NAALADL2: variants seen among roughly 807,000 people sequenced by gnomAD.
The protein encoded by NAALADL2 is inactive N-acetylated-alpha-linked acidic dipeptidase-like protein 2.
Under a neutral mutation model 87.2 loss-of-function variants are expected in NAALADL2, and 76 were observed. That is an observed-to-expected ratio of 0.87 (90% CI 0.72 to 1.05). NAALADL2 has a LOEUF of 1.05. Among genes scored for constraint, NAALADL2 ranks in the 50% least tolerant of loss-of-function variants. NAALADL2 has a pLI of 0.00. For missense variants in NAALADL2, 1,089 were observed against 945.8 expected, an observed-to-expected ratio of 1.15 and a Z score of -1.99; for synonymous variants, 354 against 331.0, an observed-to-expected ratio of 1.07 and a Z score of -0.75.
intron 1 of NAALADL2, among the ~76,000 whole-genome samples, chr3:174,967,719 C>T (rs1743083208): frequency 6.6e-6 from 1 of 152,166 alleles, no homozygotes; most frequent in Admixed American, 6.5e-5. Flanking sequence ...CGACCTTGGA[C>T]AATCTAGCAC....
At chr3:175,468,057 A>C (rs1560601737) in intron 8 of NAALADL2, among the ~76,000 whole-genome samples, 1 of 152,166 alleles carries the variant, frequency 6.6e-6, no homozygotes, top group African/African-American at 2.4e-5. Context: ...AGAAAAATTT[A>C]ATAGGAAATT....
Position 174,623,029 on chromosome 3 carries a change from T to C in NAALADL2, c.-115+72392T>C, listed in dbSNP as rs555009890. Among the ~76,000 whole-genome samples, 19 of 151,886 alleles carry C rather than the reference T, an allele frequency of 1.3e-4. No homozygotes were observed. In the South Asian group the frequency reaches 2.3e-3, roughly 18 times the overall value. On this transcript the variant is annotated intron_variant, in intron 2 of 3. Transcript: ENST00000434257. ...CTGCACACCAGCCTGGACGACAGAG[T>C]GAGACTCCGTCTCAAAAAAAAAGAG...
chr3:175,787,992 A>G (rs1273226448), intron 13 of NAALADL2, among the ~76,000 whole-genome samples: 2 of 151,916 alleles, frequency 1.3e-5, no homozygotes, highest in Non-Finnish European at 2.9e-5. Flanking sequence ...AGGGCTTCAC[A>G]TTCTCTTACC....
chr3:175,414,007 A>T (rs528716609), intron 5 of NAALADL2, among the ~76,000 whole-genome samples: 1 of 152,122 alleles, frequency 6.6e-6, no homozygotes, highest in Non-Finnish European at 1.5e-5. Flanking sequence ...TCTTCTGTCC[A>T]TATCACTATG....
intron 4 of NAALADL2, among the ~76,000 whole-genome samples, chr3:175,297,233 AGTTT>A (rs1756502458): frequency 6.6e-6 from 1 of 152,158 alleles, no homozygotes; most frequent in Non-Finnish European, 1.5e-5. Flanking sequence ...CCTAAACAAT[AGTTT>A]TCGGCCAAAA....
intron 11 of NAALADL2, among the ~76,000 whole-genome samples, chr3:175,688,721 A>G (rs1447721118): frequency 6.6e-6 from 1 of 152,096 alleles, no homozygotes; most frequent in Non-Finnish European, 1.5e-5. Flanking sequence ...GGAAAAGTAC[A>G]GGGCACTGAG....
chr3:174,884,109 A>G (rs1729766559), intron 1 of NAALADL2, among the ~76,000 whole-genome samples: 1 of 152,140 alleles, frequency 6.6e-6, no homozygotes, highest in Non-Finnish European at 1.5e-5. Context: ...TGGTGGCGGC[A>G]TTCCTCCCTC....
intron 1 of NAALADL2, among the ~76,000 whole-genome samples, chr3:174,915,553 G>C (rs567237398): frequency 4.6e-5 from 7 of 152,076 alleles, no homozygotes; most frequent in African/African-American, 1.7e-4. Context: ...AGAGGTTCAA[G>C]GTGTATTTTG....
At chr3:174,490,387 C>G (rs1047340165) in intron 1 of NAALADL2, among the ~76,000 whole-genome samples, 1 of 151,854 alleles carries the variant, frequency 6.6e-6, no homozygotes, top group Admixed American at 6.6e-5. Context: ...TATTGATTTC[C>G]TAGGGGAAGG....
intron 1 of NAALADL2, among the ~76,000 whole-genome samples, chr3:175,051,536 G>A (rs1427274390): frequency 1.3e-5 from 2 of 152,174 alleles, no homozygotes; most frequent in Non-Finnish European, 2.9e-5. Flanking sequence ...CTTCTGCACT[G>A]GCAGTCAGTA....
In NAALADL2 at chr3:175,230,660, G is replaced by A. The variant is rs140730485; in HGVS notation, c.546-3271G>A. On this transcript the variant is annotated intron_variant, in intron 2 of 13. Coordinates refer to ENST00000454872, the MANE Select transcript of NAALADL2 (RefSeq NM_207015.3). Reference sequence around the variant, plus strand: ...AACTATTTAGTATATCCTGCAATCCGGCAGTTGTACTTCTGAGCTAAACAC... The same window carrying A: ...AACTATTTAGTATATCCTGCAATCCAGCAGTTGTACTTCTGAGCTAAACAC... Among the ~76,000 whole-genome samples the A allele has an allele frequency of 5.9e-3, 897 of 152,006 alleles. 8 individuals carry two copies. Among genetic ancestry groups the A allele is most frequent in the African/African-American group, 0.021 (851 of 41,506 alleles).
At chr3:174,498,357 C>T (rs112854761) in intron 1 of NAALADL2, among the ~76,000 whole-genome samples, 1,958 of 151,888 alleles carry the variant, frequency 0.013, 35 homozygotes, top group African/African-American at 0.046. Context: ...GTGTATTAAT[C>T]ATTTATGTTT....
intron 1 of NAALADL2, among the ~76,000 whole-genome samples, chr3:175,017,793 G>A (rs545182594): frequency 3.4e-4 from 52 of 152,084 alleles, no homozygotes; most frequent in Middle Eastern, 3.4e-3. Context: ...TTTTTCTACT[G>A]TCTTCTCTGC....
chr3:175,582,824 G>A (rs938007315), intron 10 of NAALADL2, among the ~76,000 whole-genome samples: 1 of 152,126 alleles, frequency 6.6e-6, no homozygotes, highest in East Asian at 1.9e-4. Context: ...TAACCAACAC[G>A]CAGAACTGAT....
chr3:175,185,748 T>C (rs1393434008), intron 2 of NAALADL2, among the ~76,000 whole-genome samples: 1 of 149,878 alleles, frequency 6.7e-6, no homozygotes, highest in Admixed American at 6.6e-5. Context: ...TTTATATAAT[T>C]ATTTTATATA....
At chr3:175,744,053 C>T (rs1745601636) in intron 12 of NAALADL2, among the ~76,000 whole-genome samples, 1 of 152,108 alleles carries the variant, frequency 6.6e-6, no homozygotes. Flanking sequence ...GCACTGCTGC[C>T]TACGACAGCT....
At chr3:175,105,383 CT>C (rs1312965403) in intron 2 of NAALADL2, among the ~76,000 whole-genome samples, 1 of 151,720 alleles carries the variant, frequency 6.6e-6, no homozygotes, top group African/African-American at 2.4e-5. Context: ...AGGATTATCA[CT>C]TTTTTTGAAA....
At chr3:175,690,586 A>C (rs922361118) in intron 11 of NAALADL2, among the ~76,000 whole-genome samples, 1 of 152,070 alleles carries the variant, frequency 6.6e-6, no homozygotes, top group East Asian at 1.9e-4. Context: ...CAGAAGGGTC[A>C]TGAACAATTA....
intron 10 of NAALADL2, among the ~76,000 whole-genome samples, chr3:175,589,796 G>GA (rs201503672): frequency 1.7e-3 from 165 of 99,070 alleles, no homozygotes; most frequent in Middle Eastern, 0.012. Flanking sequence ...TGACAAAATT[G>GA]AAAAAAAAAA....
Sources: allele counts gnomAD v4.1 joint callset (sites outside exome capture counted in the v4.1 genomes callset), GRCh38; gene constraint gnomAD v4.1.1; transcripts MANE v1.5; gene names NCBI Gene and HGNC (gene_info 2026-07-23, HGNC 2026-07-21).